The following NLGN1 variants were observed in gnomAD, a reference collection of about 807,000 sequenced individuals.
NLGN1 encodes neuroligin 1, also known as neuroligin-1.
In NLGN1, 12 loss-of-function variants were observed where a neutral mutation model predicts 65.5. The observed-to-expected ratio is 0.18, with a 90% CI of 0.12 to 0.30. The LOEUF (loss-of-function observed/expected upper bound fraction) is 0.30, where lower values mean the gene tolerates loss of function less well. NLGN1 is among the 10% of genes least tolerant of loss of function. The probability of loss-of-function intolerance (pLI) is 1.00; values close to 1 mark genes in which losing one functional copy is unlikely to be tolerated. For synonymous variants in NLGN1, 350 were observed against 359.5 expected (o/e 0.97, Z 0.30); for missense variants, 750 against 1,007.1 (o/e 0.74, Z 3.46).
chr3:173,658,336 A>T (rs760513173), intron 3 of NLGN1, among the ~76,000 whole-genome samples: 2 of 151,926 alleles, frequency 1.3e-5, no homozygotes, highest in African/African-American at 2.4e-5. Flanking sequence ...AATTCCATTA[A>T]TTGCTTTACA....
intron 2 of NLGN1, among the ~76,000 whole-genome samples, chr3:173,547,303 C>T (rs185020839): frequency 3.5e-4 from 54 of 152,210 alleles, no homozygotes; most frequent in Non-Finnish European, 4.3e-4. Flanking sequence ...AGGATTATAG[C>T]GCATACTCTG....
At chr3:173,508,764 A>G (rs1236592197) in intron 2 of NLGN1, among the ~76,000 whole-genome samples, 1 of 152,140 alleles carries the variant, frequency 6.6e-6, no homozygotes, top group Non-Finnish European at 1.5e-5. Context: ...CTCCCCAAGG[A>G]ATACAGTTCT....
At chr3:174,056,757 T>C (rs1736204682) in intron 4 of NLGN1, among the ~76,000 whole-genome samples, 2 of 152,174 alleles carry the variant, frequency 1.3e-5, no homozygotes, top group South Asian at 4.1e-4. Flanking sequence ...GAAGCCATTC[T>C]CCTTTCAGGC....
At chr3:174,253,250 C>G (rs534625134) in intron 4 of NLGN1, among the ~76,000 whole-genome samples, 77 of 152,182 alleles carry the variant, frequency 5.1e-4, no homozygotes, top group African/African-American at 1.7e-3. Context: ...ACAATATGCT[C>G]TTTTTATTCT....
chr3:174,018,489 G>A (rs1279737355), intron 4 of NLGN1, among the ~76,000 whole-genome samples: 1 of 152,096 alleles, frequency 6.6e-6, no homozygotes, highest in East Asian at 1.9e-4. Flanking sequence ...TTAATTTGAG[G>A]AACTAATAAA....
At chr3:173,505,218 T>A (rs1439191400) in intron 2 of NLGN1, among the ~76,000 whole-genome samples, 1 of 152,072 alleles carries the variant, frequency 6.6e-6, no homozygotes, top group Non-Finnish European at 1.5e-5. Context: ...ACTTTTAATT[T>A]ATGAACACCT....
intron 4 of NLGN1, among the ~76,000 whole-genome samples, chr3:173,842,312 C>T (rs998948988): frequency 4.6e-5 from 7 of 152,172 alleles, no homozygotes; most frequent in Non-Finnish European, 1.0e-4. Context: ...CAGACACAAT[C>T]ATAACATTCC....
chr3:174,156,163 C>T (rs1275678639), intron 4 of NLGN1, among the ~76,000 whole-genome samples: 2 of 151,958 alleles, frequency 1.3e-5, no homozygotes, highest in East Asian at 3.9e-4. Context: ...TCTACTTTAA[C>T]GCATGTATGG....
the NLGN1 span, among the ~76,000 whole-genome samples, chr3:174,293,004 TTTC>T: frequency 6.6e-6 from 1 of 151,466 alleles, no homozygotes; most frequent in Non-Finnish European, 1.5e-5. Context: ...CCAGTTTAAT[TTTC>T]TTGTATCCTC....
chr3:174,043,381 G>T (rs532130456), intron 4 of NLGN1, among the ~76,000 whole-genome samples: 3 of 152,224 alleles, frequency 2.0e-5, no homozygotes, highest in Admixed American at 2.0e-4. Flanking sequence ...TCTCATCTGA[G>T]ACAAGGCAAG....
intron 4 of NLGN1, among the ~76,000 whole-genome samples, chr3:173,968,555 G>GAA (rs11459355): frequency 3.1e-4 from 47 of 150,800 alleles, no homozygotes; most frequent in African/African-American, 1.1e-3. Flanking sequence ...GTGTTAATCA[G>GAA]AAAAAAAATA....
chr3:173,809,239 T>G (rs567946928), intron 4 of NLGN1, among the ~76,000 whole-genome samples: 1 of 152,174 alleles, frequency 6.6e-6, no homozygotes, highest in African/African-American at 2.4e-5. Context: ...CAGTGAAAAC[T>G]CTGTGTATTT....
intron 1 of NLGN1, chr3:173,399,818 ATC>A (rs1717319222): frequency 6.6e-6 from 1 of 152,178 alleles, no homozygotes; most frequent in South Asian, 2.1e-4. Flanking sequence ...TAAATCTGAG[ATC>A]TGAGTTTTTT....
intron 2 of NLGN1, among the ~76,000 whole-genome samples, chr3:173,504,793 C>T (rs1731724467): frequency 6.6e-6 from 1 of 152,080 alleles, no homozygotes; most frequent in Admixed American, 6.6e-5. Context: ...TGACCACGTT[C>T]TCTTTCCCTT....
At chr3:173,607,233 G>T (rs1474465119) in intron 3 of NLGN1, among the ~76,000 whole-genome samples, 1 of 151,844 alleles carries the variant, frequency 6.6e-6, no homozygotes, top group Admixed American at 6.6e-5. Flanking sequence ...TTGGCAAAGA[G>T]ATGTGTAGGC....
chr3:173,795,825 G>C (rs1713927762), intron 3 of NLGN1, among the ~76,000 whole-genome samples: 2 of 151,992 alleles, frequency 1.3e-5, no homozygotes, highest in Admixed American at 1.3e-4. Flanking sequence ...AATTGCTCCA[G>C]AACAACAATG....
rs75446225 is a variant in NLGN1 at position 174,139,759 on chromosome 3, T to A, written c.647-135556T>A. 1.4e-4 allele frequency among the ~76,000 whole-genome samples: 21 copies of A among 152,282 alleles called. No homozygotes were observed. In the East Asian group the frequency reaches 1.9e-3, roughly 14 times the overall value. On this transcript the variant is annotated intron_variant, in intron 4 of 6. Transcript: ENST00000457714. ...AAAAGAGGGTTCCTGTTGTTTCACA[T>A]CCTCAACAGCATGTGATGTTGTCAG...
chr3:173,637,303 C>T (rs903289793), intron 3 of NLGN1, among the ~76,000 whole-genome samples: 5 of 151,958 alleles, frequency 3.3e-5, no homozygotes, highest in African/African-American at 7.2e-5. Flanking sequence ...AGAATAATTT[C>T]GTTGCTCCTT....
chr3:173,502,651 G>A (rs1472976878), intron 2 of NLGN1, among the ~76,000 whole-genome samples: 1 of 152,062 alleles, frequency 6.6e-6, no homozygotes, highest in East Asian at 1.9e-4. Context: ...CTTGTTATAT[G>A]AAATTAGGTA....
Sources: gnomAD v4.1 joint callset for allele counts (sites outside exome capture counted in the v4.1 genomes callset) on GRCh38, gnomAD v4.1.1 for gene constraint, MANE v1.5 for transcripts, NCBI Gene and HGNC (gene_info 2026-07-23, HGNC 2026-07-21) for gene names.